The following FNIP2 variants were observed in gnomAD, a reference collection of about 807,000 sequenced individuals.
The protein encoded by FNIP2 is folliculin-interacting protein 2.
A neutral mutation model predicts 108.7 loss-of-function variants in FNIP2; 32 were observed. That is an observed-to-expected ratio of 0.29 (90% CI 0.22 to 0.40). The LOEUF is 0.40. Ranked by LOEUF, FNIP2 falls within the 10% of genes least tolerant of loss-of-function variation. The pLI is 1.00. For synonymous variants in FNIP2, 480 were observed against 496.7 expected (o/e 0.97, Z 0.45); for missense variants, 1,202 against 1,381.6 (o/e 0.87, Z 2.06).
At chr4:158,802,929 A>C (rs1383723524) in intron 1 of FNIP2, among the ~76,000 whole-genome samples, 1 of 152,252 alleles carries the variant, frequency 6.6e-6, no homozygotes, top group African/African-American at 2.4e-5. Flanking sequence ...TACCTGGTAC[A>C]TGAGATTGGA....
rs148040417 is a variant in FNIP2 at position 158,905,096 on chromosome 4, T to C, written c.*552T>C. 3.9e-3 allele frequency: 595 copies of C among 152,848 alleles called. 21 individuals are homozygous for C. The highest frequency in any genetic ancestry group is 0.034 in the Admixed American group (519 of 15,390). The allele number at this position is 152,848 out of a possible 1,614,324, so 9.5% of individuals were successfully genotyped here. A position where few individuals can be genotyped will look rare whatever the true frequency, so the allele number is the denominator to read the frequency against. ...GTGCCATCTTCAGCTCCAGTGGCTT[T>C]AGCAGTGACTGTTTGACATAAAACA... On this transcript the variant is annotated 3_prime_UTR_variant, in exon 17 of 17. Coordinates refer to ENST00000264433, the MANE Select transcript of FNIP2 (RefSeq NM_020840.3).
At position 158,906,652 on chromosome 4, in the gene FNIP2, CT is replaced by C. The variant is rs1327353086; in HGVS notation, c.*2109del. On this transcript the variant is annotated 3_prime_UTR_variant, in exon 17 of 17. Transcript: ENST00000264433. ...CAGGTGGGTCACATGTGGGGGCTGT[CT>C]CCGTGACACTCAGGATTCCAGTCAG... 6.6e-6 allele frequency: 1 copy of C among 152,200 alleles called. No individual in the cohort carries two copies. The highest frequency in any genetic ancestry group is 2.4e-5 in the African/African-American group (1 of 41,448). The allele number at this position is 152,200 out of a possible 1,614,324, so 9.4% of individuals were successfully genotyped here.
At chr4:158,903,620 G>A (rs565107707) in intron 16 of FNIP2, among the ~76,000 whole-genome samples, 11 of 152,020 alleles carry the variant, frequency 7.2e-5, no homozygotes, top group South Asian at 2.1e-4. Flanking sequence ...CCTTCCTCCC[G>A]TAGTCAGGGC....
At chr4:158,883,909 C>A (rs1781865241) in intron 14 of FNIP2, among the ~76,000 whole-genome samples, 1 of 150,232 alleles carries the variant, frequency 6.7e-6, no homozygotes, top group South Asian at 2.1e-4. Flanking sequence ...TTGTGAGTTC[C>A]TAGACTTTAT....
chr4:158,875,081 T>G (rs1781187690), intron 14 of FNIP2, among the ~76,000 whole-genome samples: 1 of 148,154 alleles, frequency 6.7e-6, no homozygotes, highest in Non-Finnish European at 1.5e-5. Flanking sequence ...AGAGCGAGAC[T>G]GTCTCAAAAA....
intron 1 of FNIP2, among the ~76,000 whole-genome samples, chr4:158,794,851 A>G (rs552588273): frequency 1.5e-3 from 227 of 152,362 alleles, no homozygotes; most frequent in Middle Eastern, 6.8e-3. Flanking sequence ...ATTAAATGAT[A>G]TACTTCTAAA....
intron 14 of FNIP2, among the ~76,000 whole-genome samples, chr4:158,886,545 A>G (rs1223824250): frequency 6.6e-6 from 1 of 152,244 alleles, no homozygotes; most frequent in Non-Finnish European, 1.5e-5. Context: ...GTGGGCACTC[A>G]GGAGGGTGGC....
intron 14 of FNIP2, chr4:158,872,655 T>A (rs72695459): frequency 1.0e-6 from 1 of 985,126 alleles, no homozygotes; most frequent in Non-Finnish European, 1.2e-6. Context: ...ATTTCTAATT[T>A]CACTTGACAC....
intron 1 of FNIP2, among the ~76,000 whole-genome samples, chr4:158,790,157 GTC>G (rs922069994): frequency 6.6e-6 from 1 of 151,514 alleles, no homozygotes; most frequent in African/African-American, 2.4e-5. Context: ...TGAGACCTGG[GTC>G]CTATCCCCAA....
intron 15 of FNIP2, among the ~76,000 whole-genome samples, chr4:158,892,626 TAAAA>T (rs1160756831): frequency 1.3e-5 from 2 of 151,960 alleles, no homozygotes; most frequent in Admixed American, 6.6e-5. Context: ...GATGAACACT[TAAAA>T]AGAGAGAGAG....
intron 12 of FNIP2, among the ~76,000 whole-genome samples, chr4:158,867,721 A>G (rs1040267229): frequency 5.9e-5 from 9 of 152,208 alleles, no homozygotes; most frequent in African/African-American, 2.2e-4. Context: ...CTTCCAACAA[A>G]TTCTTATTAT....
intron 9 of FNIP2, 151 bp from the exon 10 acceptor site, chr4:158,859,427 T>C: frequency 1.0e-6 from 1 of 989,756 alleles, no homozygotes; most frequent in South Asian, 1.7e-5. Context: ...TGGGTTACCT[T>C]AGGGAAGGAA....
Position 158,861,459 on chromosome 4 carries a change from A to C in FNIP2, c.1266A>C (p.Thr422=), listed in dbSNP as rs1427867192. 2.5e-6 allele frequency: 4 copies of C among 1,613,906 alleles called. No homozygotes were observed. The highest frequency in any genetic ancestry group is 2.5e-6 in the Non-Finnish European group (3 of 1,179,912). ...QLCQRFLKEF[T]LLIEQINKNQ... is the part of the protein sequence containing the mutation. ...GCCAGCGCTTTCTCAAGGAGTTTACACTTCTGATAGAACAGATAAATAAAA... is the reference window on the plus strand; with the variant it reads ...GCCAGCGCTTTCTCAAGGAGTTTACCCTTCTGATAGAACAGATAAATAAAA... The change falls in exon 11 of 17, where the codon ACA becomes ACC. Residue 422 remains threonine, a synonymous_variant. Coordinates refer to ENST00000264433, the MANE Select transcript of FNIP2 (RefSeq NM_020840.3).
At chr4:158,851,551 C>T (rs951657379) in intron 8 of FNIP2, 101 bp downstream of exon 8, 1 of 1,435,562 alleles carries the variant, frequency 7.0e-7, no homozygotes, top group Non-Finnish European at 9.4e-7. Context: ...GGAAAAAAAA[C>T]CAAAACTTTT....
intron 16 of FNIP2, among the ~76,000 whole-genome samples, chr4:158,903,124 A>AT: frequency 6.6e-6 from 1 of 152,334 alleles, no homozygotes; most frequent in South Asian, 2.1e-4. Flanking sequence ...TGTACACACC[A>AT]AAGGGAATCT....
intron 1 of FNIP2, among the ~76,000 whole-genome samples, chr4:158,793,725 G>C (rs2126458420): frequency 6.6e-6 from 1 of 152,270 alleles, no homozygotes; most frequent in South Asian, 2.1e-4. Flanking sequence ...TGTGGAGCTA[G>C]GTCAGCTTCC....
rs34289883 is a variant in FNIP2, at chr4:158,836,927, T to G, written c.727+1451T>G. 4.7e-3 allele frequency among the ~76,000 whole-genome samples: 720 copies of G among 151,806 alleles called. 3 individuals carry two copies. The Middle Eastern group carries it at 0.051, about 11-fold the overall frequency. ...AAAGGGAAACTTATGAAGCACTAAGTAAACTGTTTTGCTTTTGTTTCTGTT... is the reference window on the plus strand; with the variant it reads ...AAAGGGAAACTTATGAAGCACTAAGGAAACTGTTTTGCTTTTGTTTCTGTT... On this transcript the variant is annotated intron_variant, in intron 7 of 16. Coordinates refer to ENST00000264433, the MANE Select transcript of FNIP2 (RefSeq NM_020840.3).
chr4:158,857,676 C>T (rs1055775513), intron 8 of FNIP2, among the ~76,000 whole-genome samples: 3 of 151,916 alleles, frequency 2.0e-5, no homozygotes, highest in African/African-American at 7.3e-5. Context: ...GGTGCAGTGG[C>T]TCACGGCTGT....
At position 158,861,683 on chromosome 4, in the gene FNIP2, C is replaced by G; in HGVS notation, c.1372C>G (p.Pro458Ala). The stretch of plus-strand genomic sequence containing the variant: ...CCCAACTGTCATGCCTGTGGATCAC[C>G]CTCCCATCAAAGCCTTCTCAGAGAA... ...WVPTVMPVDH[P>A]PIKAFSEKRT... Residue 458 changes from proline (P) to alanine (A), a missense_variant, in exon 12 of 17, where the codon CCT (proline) becomes GCT (alanine). Pro to Ala is a conservative substitution (Grantham distance 27, BLOSUM62 -1). Around this residue, in one of 5 missense-constraint regions of FNIP2, gnomAD observed 878 missense variants for 990.3 expected, o/e 0.89. Coordinates refer to ENST00000264433, the MANE Select transcript of FNIP2 (RefSeq NM_020840.3). 2.5e-6 allele frequency: 4 copies of G among 1,614,006 alleles called. No individual in the cohort carries two copies. The highest frequency in any genetic ancestry group is 8.5e-7 in the Non-Finnish European group (1 of 1,179,898).
Sources: allele counts gnomAD v4.1 joint callset (sites outside exome capture counted in the v4.1 genomes callset), GRCh38; gene constraint gnomAD v4.1.1; regional missense constraint gnomAD v4.1.1; transcripts MANE v1.5; gene names NCBI Gene and HGNC (gene_info 2026-07-23, HGNC 2026-07-21).